Variants in ROCK2 observed in about 807,000 individuals in gnomAD.
The protein encoded by ROCK2 is Rho associated coiled-coil containing protein kinase 2.
ROCK2 carries 61 observed loss-of-function variants against 195.1 expected under a neutral mutation model. The observed-to-expected ratio is 0.31, with a 90% CI of 0.25 to 0.39. The LOEUF (loss-of-function observed/expected upper bound fraction) is 0.39, where lower values mean the gene tolerates loss of function less well. Ranked by LOEUF, ROCK2 falls within the 10% of genes least tolerant of loss-of-function variation. ROCK2 has a pLI of 1.00. For synonymous variants in ROCK2, 504 were observed against 545.5 expected (o/e 0.92, Z 1.06); for missense variants, 1,109 against 1,637.4 (o/e 0.68, Z 5.57).
At chr2:11,317,225 T>C (rs933794537) in intron 1 of ROCK2, among the ~76,000 whole-genome samples, 1 of 152,060 alleles carries the variant, frequency 6.6e-6, no homozygotes, top group East Asian at 1.9e-4. Context: ...CCTGAAATAA[T>C]AAATTTAGTC....
intron 32 of ROCK2, among the ~76,000 whole-genome samples, chr2:11,187,640 A>C (rs1199414509): frequency 3.3e-5 from 5 of 152,156 alleles, no homozygotes; most frequent in Non-Finnish European, 5.9e-5. Flanking sequence ...AACTTTTCGT[A>C]TGTGAAGATA....
At chr2:11,318,726 C>T (rs191041975) in intron 1 of ROCK2, among the ~76,000 whole-genome samples, 94 of 152,080 alleles carry the variant, frequency 6.2e-4, no homozygotes, top group African/African-American at 1.8e-3. Context: ...AGGGTTTTTA[C>T]GGTTTTAAAT....
Position 11,243,765 on chromosome 2 carries a change from G to T in ROCK2, c.462+5896C>A, listed in dbSNP as rs144815715. The stretch of plus-strand genomic sequence containing the variant: ...AGACACGATAACTAAATGTAATGTG[G>T]CATTCTGGATGGGATCCTGAAACAA... On this transcript the variant is annotated intron_variant, in intron 4 of 32. Coordinates refer to ENST00000315872, the MANE Select transcript of ROCK2 (RefSeq NM_004850.5). Among the ~76,000 whole-genome samples the T allele has an allele frequency of 6.7e-3, 1,017 of 152,250 alleles. 15 individuals carry two copies. The highest frequency in any genetic ancestry group is 0.023 in the African/African-American group (967 of 41,528).
rs556146362 is a variant in ROCK2 at position 11,329,613 on chromosome 2, TCTC to T, written c.141+14380_141+14382del. On this transcript the variant is annotated intron_variant, in intron 1 of 32. Transcript: ENST00000315872. ...TAGTTTTATTTGTATCATCTGCTGT[TCTC>T]CTATTATGGAAATGTCTTAAAAATG... 2.7e-3 allele frequency among the ~76,000 whole-genome samples: 414 copies of T among 152,206 alleles called. 4 individuals are homozygous for T. Among genetic ancestry groups the T allele is most frequent in the African/African-American group, 9.3e-3 (387 of 41,544 alleles).
intron 1 of ROCK2, among the ~76,000 whole-genome samples, chr2:11,317,612 A>ATATATATATTTTTTT (rs59701503): frequency 5.2e-5 from 1 of 19,318 alleles, no homozygotes; most frequent in African/African-American, 1.6e-4. Flanking sequence ...ATATATATAT[A>ATATATATATTTTTTT]TTTTTTTTTT....
intron 1 of ROCK2, among the ~76,000 whole-genome samples, chr2:11,324,333 G>A (rs886777665): frequency 2.0e-5 from 3 of 152,286 alleles, no homozygotes; most frequent in Middle Eastern, 3.4e-3. Context: ...GCTGAGGCAG[G>A]AGAATCGCTT....
At chr2:11,221,152 C>A in intron 9 of ROCK2, 46 bp downstream of exon 9, 5 of 1,397,752 alleles carry the variant, frequency 3.6e-6, no homozygotes, top group Non-Finnish European at 4.8e-6. Flanking sequence ...CATCTTATAG[C>A]TAGATTCTAA....
At chr2:11,207,489 C>T (rs1285850336) in intron 20 of ROCK2, among the ~76,000 whole-genome samples, 2 of 152,200 alleles carry the variant, frequency 1.3e-5, no homozygotes, top group African/African-American at 4.8e-5. Context: ...TCTTCTGCCT[C>T]ATCACCAACA....
intron 3 of ROCK2, among the ~76,000 whole-genome samples, chr2:11,258,274 C>T (rs547337758): frequency 2.6e-5 from 4 of 151,430 alleles, no homozygotes; most frequent in African/African-American, 9.8e-5. Context: ...ATTCCAAATA[C>T]TCTAGAGCAG....
At chr2:11,253,363 T>C (rs923949745) in intron 3 of ROCK2, among the ~76,000 whole-genome samples, 12 of 152,176 alleles carry the variant, frequency 7.9e-5, no homozygotes, top group African/African-American at 2.7e-4. Context: ...ACTGGAAAGG[T>C]ATTTAAAAAC....
chr2:11,294,795 T>C (rs1410781368), intron 1 of ROCK2, among the ~76,000 whole-genome samples: 1 of 152,142 alleles, frequency 6.6e-6, no homozygotes, highest in African/African-American at 2.4e-5. Flanking sequence ...TTTTCTTTTT[T>C]GAGACAGAGC....
upstream of ROCK2, among the ~76,000 whole-genome samples, chr2:11,344,997 A>G (rs866809518): frequency 9.6e-4 from 145 of 150,436 alleles, no homozygotes; most frequent in African/African-American, 3.4e-3. The surrounding 1 kb of genome is among the most constrained non-coding windows in gnomAD (Gnocchi z 5.4). Flanking sequence ...CGCCGGGCCC[A>G]GCGCACCGTG....
chr2:11,326,198 A>G (rs1289608835), intron 1 of ROCK2, among the ~76,000 whole-genome samples: 1 of 151,412 alleles, frequency 6.6e-6, no homozygotes, highest in East Asian at 2.0e-4. Context: ...AAGTCCTGGA[A>G]AAGATACAAA....
chr2:11,276,458 C>T (rs1302676478), intron 3 of ROCK2, among the ~76,000 whole-genome samples: 1 of 152,058 alleles, frequency 6.6e-6, no homozygotes. Flanking sequence ...TAGGAATTAA[C>T]TTAATTGAAA....
At chr2:11,228,268 T>C (rs145636604) in intron 5 of ROCK2, among the ~76,000 whole-genome samples, 2 of 152,288 alleles carry the variant, frequency 1.3e-5, no homozygotes, top group East Asian at 3.9e-4. Flanking sequence ...AAGGAAGCTA[T>C]ACAAACTACC....
chr2:11,197,441 T>C lies in ROCK2; in HGVS notation c.3279+85A>G. The stretch of plus-strand genomic sequence containing the variant: ...AATAATAATTATTAAATAGAAATGG[T>C]CTATAACCAGTAAAACACAGACATG... On this transcript the variant is annotated intron_variant, in intron 26 of 32. Coordinates refer to ENST00000315872, the MANE Select transcript of ROCK2 (RefSeq NM_004850.5). This position sits in a 1 kb window ranked among gnomAD's most constrained non-coding sequence, Gnocchi z 4.9. 2 of 1,533,014 alleles carry C rather than the reference T, an allele frequency of 1.3e-6. No individual in the cohort carries two copies. Among genetic ancestry groups the C allele is most frequent in the Non-Finnish European group, 1.8e-6 (2 of 1,124,040 alleles). The allele number at this position is 1,533,014 out of a possible 1,614,324, so 95.0% of individuals were successfully genotyped here. A position where few individuals can be genotyped will look rare whatever the true frequency, so the allele number is the denominator to read the frequency against.
intron 1 of ROCK2, among the ~76,000 whole-genome samples, chr2:11,312,800 GA>G (rs1668076568): frequency 1.3e-5 from 2 of 151,980 alleles, no homozygotes; most frequent in Non-Finnish European, 2.9e-5. Flanking sequence ...AAAAAGAAAT[GA>G]ATCATACAGC....
chr2:11,276,098 C>T lies in ROCK2; in HGVS notation c.324+10441G>A, dbSNP rs142758048. On this transcript the variant is annotated intron_variant, in intron 3 of 32. Transcript: ENST00000315872. ...ATAAACTACATATGTGAAACACCCACGTGAATATCATACTCAATAGTGAAA... is the reference window on the plus strand; with the variant it reads ...ATAAACTACATATGTGAAACACCCATGTGAATATCATACTCAATAGTGAAA... Among the ~76,000 whole-genome samples, 60 of 152,292 alleles carry T rather than the reference C, an allele frequency of 3.9e-4. 2 individuals carry two copies. The highest frequency in any genetic ancestry group is 7.8e-4 in the Non-Finnish European group (53 of 68,026).
intron 4 of ROCK2, among the ~76,000 whole-genome samples, chr2:11,249,026 G>C (rs531352092): frequency 3.0e-4 from 46 of 152,092 alleles, no homozygotes; most frequent in South Asian, 1.0e-3. Context: ...CTCCCAAGTA[G>C]CTGGGATTAC....
Sources: allele counts gnomAD v4.1 joint callset (sites outside exome capture counted in the v4.1 genomes callset), GRCh38; gene constraint gnomAD v4.1.1; non-coding constraint Gnocchi (gnomAD v3.1); transcripts MANE v1.5; gene names NCBI Gene and HGNC (gene_info 2026-07-23, HGNC 2026-07-21).